Variants in PHACTR1 observed in about 807,000 individuals in gnomAD.
PHACTR1 encodes the protein phosphatase and actin regulator 1.
A neutral mutation model predicts 69.2 loss-of-function variants in PHACTR1; 16 were observed. The ratio of observed to expected loss-of-function variants is 0.23; its 90% CI spans 0.16 to 0.35. The LOEUF (loss-of-function observed/expected upper bound fraction) is 0.35, where lower values mean the gene tolerates loss of function less well. Among genes scored for constraint, PHACTR1 ranks in the 10% least tolerant of loss-of-function variants. The pLI is 1.00. For missense variants in PHACTR1, 510 were observed against 734.7 expected, an observed-to-expected ratio of 0.69 and a Z score of 3.54; for synonymous variants, 312 against 284.5, an observed-to-expected ratio of 1.10 and a Z score of -0.97.
intron 5 of PHACTR1, among the ~76,000 whole-genome samples, chr6:13,122,482 C>T (rs1005032772): frequency 3.3e-5 from 5 of 152,186 alleles, no homozygotes; most frequent in Non-Finnish European, 7.3e-5. Flanking sequence ...TGTAGGTTAA[C>T]GTGTCCTGAC....
intron 4 of PHACTR1, among the ~76,000 whole-genome samples, chr6:12,862,205 A>G (rs1350681392): frequency 6.6e-6 from 1 of 152,238 alleles, no homozygotes; most frequent in Non-Finnish European, 1.5e-5. Flanking sequence ...AGCCAACCTC[A>G]ATATTCCGTA....
intron 6 of PHACTR1, among the ~76,000 whole-genome samples, chr6:13,173,779 G>C (rs1248163972): frequency 6.6e-6 from 1 of 152,150 alleles, no homozygotes; most frequent in Non-Finnish European, 1.5e-5. Flanking sequence ...CGCAATCTCG[G>C]CTCACTGCAA....
At chr6:12,825,963 G>A (rs1454172858) in intron 4 of PHACTR1, among the ~76,000 whole-genome samples, 1 of 152,162 alleles carries the variant, frequency 6.6e-6, no homozygotes, top group Non-Finnish European at 1.5e-5. Context: ...AACTCCATGT[G>A]TTTTTCCTAG....
At chr6:12,794,899 A>G (rs1241844404) in intron 4 of PHACTR1, among the ~76,000 whole-genome samples, 1 of 152,164 alleles carries the variant, frequency 6.6e-6, no homozygotes, top group Non-Finnish European at 1.5e-5. Context: ...AGGAAGAGTT[A>G]TGGATGACCA....
At chr6:13,088,164 T>A (rs975147436) in intron 5 of PHACTR1, among the ~76,000 whole-genome samples, 1 of 152,152 alleles carries the variant, frequency 6.6e-6, no homozygotes, top group Admixed American at 6.6e-5. Flanking sequence ...AGAACTAATA[T>A]GTAGGACTTA....
At chr6:12,768,109 C>CTTTTTTTTTTTTTTT (rs781107897) in intron 4 of PHACTR1, among the ~76,000 whole-genome samples, 1 of 107,568 alleles carries the variant, frequency 9.3e-6, no homozygotes, top group Admixed American at 1.1e-4. Flanking sequence ...CTATCAAATC[C>CTTTTTTTTTTTTTTT]TTTTTTTTTT....
intron 4 of PHACTR1, among the ~76,000 whole-genome samples, chr6:12,867,750 G>A (rs971146175): frequency 1.5e-4 from 23 of 152,188 alleles, no homozygotes; most frequent in Non-Finnish European, 2.8e-4. Flanking sequence ...GCAAGATGGT[G>A]AAATATCAAG....
chr6:12,944,346 A>C (rs75828459), intron 4 of PHACTR1, among the ~76,000 whole-genome samples: 1 of 152,226 alleles, frequency 6.6e-6, no homozygotes, highest in Non-Finnish European at 1.5e-5. Flanking sequence ...TGACAAAAGC[A>C]AGCTGCCTAA....
At chr6:12,751,266 T>C (rs1454812064) in intron 4 of PHACTR1, among the ~76,000 whole-genome samples, 1 of 152,250 alleles carries the variant, frequency 6.6e-6, no homozygotes, top group African/African-American at 2.4e-5. Context: ...CCTCTGACTT[T>C]GGAGCTGAAG....
chr6:13,191,298 T>C (rs1304582088), intron 7 of PHACTR1, among the ~76,000 whole-genome samples: 1 of 152,110 alleles, frequency 6.6e-6, no homozygotes, highest in East Asian at 1.9e-4. Flanking sequence ...AATTTGAAGG[T>C]GTTCTGTGTT....
At chr6:12,852,376 A>G (rs1363879837) in intron 4 of PHACTR1, among the ~76,000 whole-genome samples, 1 of 152,188 alleles carries the variant, frequency 6.6e-6, no homozygotes, top group African/African-American at 2.4e-5. Flanking sequence ...GAAGAATCCA[A>G]CTTAAGAAAT....
chr6:12,863,715 A>T (rs1781160975), intron 4 of PHACTR1, among the ~76,000 whole-genome samples: 1 of 152,210 alleles, frequency 6.6e-6, no homozygotes. Context: ...CATGCTACAA[A>T]ATAGGATGAT....
chr6:13,188,031 T>C (rs2113757287), intron 7 of PHACTR1, among the ~76,000 whole-genome samples: 1 of 152,340 alleles, frequency 6.6e-6, no homozygotes, highest in Middle Eastern at 3.4e-3. Flanking sequence ...AGACCGAAGA[T>C]ATCTCAATTG....
intron 4 of PHACTR1, among the ~76,000 whole-genome samples, chr6:12,828,309 T>C (rs1462083460): frequency 6.6e-6 from 1 of 152,234 alleles, no homozygotes; most frequent in East Asian, 1.9e-4. Context: ...TCTTATACAG[T>C]ACATTTCCTA....
chr6:13,188,215 G>C (rs1035531301), intron 7 of PHACTR1, among the ~76,000 whole-genome samples: 2 of 152,194 alleles, frequency 1.3e-5, no homozygotes, highest in Non-Finnish European at 2.9e-5. Context: ...AGGTGGAGAA[G>C]TCCGTGGACT....
intron 4 of PHACTR1, among the ~76,000 whole-genome samples, chr6:12,792,464 C>CAAAAAAAAAAAAAAAAAAAAAAAAAAAA (rs60942588): frequency 3.2e-5 from 1 of 31,362 alleles, no homozygotes; most frequent in African/African-American, 7.6e-5. Flanking sequence ...AACTCCATGT[C>CAAAAAAAAAAAAAAAAAAAAAAAAAAAA]AAAAAAAAAA....
At chr6:13,249,284 G>A (rs979270714) in intron 10 of PHACTR1, among the ~76,000 whole-genome samples, 4 of 152,160 alleles carry the variant, frequency 2.6e-5, no homozygotes, top group South Asian at 2.1e-4. Flanking sequence ...GAGGGATCTC[G>A]GTTTCACGTT....
At chr6:13,076,027 C>CTTT (rs398000515) in intron 5 of PHACTR1, among the ~76,000 whole-genome samples, 3,405 of 101,356 alleles carry the variant, frequency 0.034, 71 homozygotes, top group South Asian at 0.1. Flanking sequence ...AAGGGAGCAT[C>CTTT]TTTTTTTTTT....
At chr6:13,208,173 T>G (rs949510985) in intron 8 of PHACTR1, among the ~76,000 whole-genome samples, 1 of 152,200 alleles carries the variant, frequency 6.6e-6, no homozygotes, top group Non-Finnish European at 1.5e-5. Flanking sequence ...GTCATCTTAT[T>G]TAATCCTCAC....
Sources: gnomAD v4.1 joint callset for allele counts (sites outside exome capture counted in the v4.1 genomes callset) on GRCh38, gnomAD v4.1.1 for gene constraint, MANE v1.5 for transcripts, NCBI Gene and HGNC (gene_info 2026-07-23, HGNC 2026-07-21) for gene names.